The following MYO3A variants were observed in gnomAD, a reference collection of about 807,000 sequenced individuals.
MYO3A encodes myosin IIIA, also known as myosin-IIIa.
In MYO3A, 180 loss-of-function variants were observed where a neutral mutation model predicts 192.7. That is an observed-to-expected ratio of 0.93 (90% confidence interval 0.83 to 1.06). The LOEUF (loss-of-function observed/expected upper bound fraction) is 1.06, where lower values mean the gene tolerates loss of function less well. Ranked by LOEUF, MYO3A falls within the 50% of genes least tolerant of loss-of-function variation. The pLI, the probability that MYO3A is intolerant of heterozygous loss-of-function variation, is 0.00. For synonymous variants in MYO3A, 628 were observed against 645.3 expected (o/e 0.97, Z 0.41); for missense variants, 1,896 against 1,905.0 (o/e 1.00, Z 0.09).
chr10:26,086,994 A>T (rs1836372707), intron 14 of MYO3A, among the ~76,000 whole-genome samples: 1 of 151,706 alleles, frequency 6.6e-6, no homozygotes, highest in African/African-American at 2.4e-5. Context: ...GTATATATAT[A>T]TTTTCAGATT....
chr10:25,946,735 C>T (rs754198572), intron 2 of MYO3A, among the ~76,000 whole-genome samples: 64 of 151,526 alleles, frequency 4.2e-4, no homozygotes, highest in Non-Finnish European at 6.8e-4. Context: ...AAAAATTAGC[C>T]GGGCATGGTA....
At chr10:25,991,607 G>C (rs113918020) in intron 4 of MYO3A, among the ~76,000 whole-genome samples, 6,552 of 152,244 alleles carry the variant, frequency 0.043, 179 homozygotes, top group Middle Eastern at 0.068. Context: ...GTCCTGAATG[G>C]TAATGCCTAG....
intron 33 of MYO3A, 55 bp from the exon 34 acceptor site, chr10:26,202,909 T>C: frequency 1.3e-6 from 2 of 1,593,528 alleles, no homozygotes; most frequent in Non-Finnish European, 1.7e-6. Context: ...CCTGTAAGTT[T>C]AAGTGAGTAG....
intron 31 of MYO3A, among the ~76,000 whole-genome samples, chr10:26,192,469 C>T (rs1161246478): frequency 6.6e-6 from 1 of 152,048 alleles, no homozygotes; most frequent in African/African-American, 2.4e-5. Flanking sequence ...GAGGCTGGTA[C>T]AAGGGGGAGG....
At chr10:26,094,164 T>C (rs1836865669) in intron 15 of MYO3A, among the ~76,000 whole-genome samples, 1 of 152,224 alleles carries the variant, frequency 6.6e-6, no homozygotes, top group Non-Finnish European at 1.5e-5. Flanking sequence ...TTAGCGTGTC[T>C]GTCACAAGTA....
In MYO3A at chr10:25,994,913, C is replaced by G. The variant is rs1190935908; in HGVS notation, c.304-1577C>G. ...CTGATGGGCTTCCCTTTGTGGGTAA[C>G]CCGATCTTTCTCTCTGGCTGCCCTT... On this transcript the variant is annotated intron_variant, in intron 4 of 34. Coordinates refer to ENST00000642920, the MANE Select transcript of MYO3A (RefSeq NM_017433.5). Among the ~76,000 whole-genome samples, 5 of 152,138 alleles carry G rather than the reference C, an allele frequency of 3.3e-5. No individual in the cohort carries two copies. In the East Asian group the frequency reaches 7.7e-4, roughly 23 times the overall value.
rs1840513520 is a variant in MYO3A at position 25,997,260 on chromosome 10, T to C, written c.508+2T>C. 1.2e-6 allele frequency: 2 copies of C among 1,601,252 alleles called. No individual in the cohort carries two copies. The highest frequency in any genetic ancestry group is 1.1e-5 in the South Asian group (1 of 90,846). ...GTGGAGTGAAACTAGTAGATTTTGG[T>C]AAGTTTTGTTTAAAATGCATGAGTT... On this transcript the variant is annotated splice_donor_variant, in intron 6 of 34. Coordinates refer to ENST00000642920, the MANE Select transcript of MYO3A (RefSeq NM_017433.5). LOFTEE classifies it high-confidence loss of function.
chr10:26,060,935 TTA>T (rs1176475901), intron 10 of MYO3A, among the ~76,000 whole-genome samples: 1 of 113,242 alleles, frequency 8.8e-6, no homozygotes, highest in African/African-American at 2.8e-5. Flanking sequence ...TTATTTTATT[TTA>T]TTTTTTTTTG....
At chr10:26,003,014 T>A (rs1034184445) in intron 6 of MYO3A, among the ~76,000 whole-genome samples, 5 of 152,138 alleles carry the variant, frequency 3.3e-5, no homozygotes, top group Admixed American at 3.3e-4. Flanking sequence ...TTGAAAGTAC[T>A]TAATGAATGA....
rs150926547 is a variant in MYO3A, at chr10:26,081,531, G to T, written c.1360-6672G>T. Among the ~76,000 whole-genome samples the T allele has an allele frequency of 4.1e-3, 630 of 152,274 alleles. 3 individuals are homozygous for T. Among genetic ancestry groups the T allele is most frequent in the African/African-American group, 0.014 (601 of 41,568 alleles). ...AAAAGTGCTTGGCTCTTCCCTGCCTGTGGGGTCTGCACACCAGATTGGCAC... is the reference window on the plus strand; with the variant it reads ...AAAAGTGCTTGGCTCTTCCCTGCCTTTGGGGTCTGCACACCAGATTGGCAC... On this transcript the variant is annotated intron_variant, in intron 14 of 34. Coordinates refer to ENST00000642920, the MANE Select transcript of MYO3A (RefSeq NM_017433.5).
intron 17 of MYO3A, among the ~76,000 whole-genome samples, chr10:26,096,996 T>C (rs1837079718): frequency 6.6e-6 from 1 of 151,626 alleles, no homozygotes; most frequent in African/African-American, 2.4e-5. Flanking sequence ...ATGTTCTTTT[T>C]AGTGCAGTCT....
intron 31 of MYO3A, among the ~76,000 whole-genome samples, chr10:26,186,300 T>G (rs532829530): frequency 6.7e-6 from 1 of 149,284 alleles, no homozygotes; most frequent in African/African-American, 2.5e-5. Context: ...GGAGTCTTGC[T>G]GTGTCACCCA....
chr10:25,998,005 A>G (rs1840560225), intron 6 of MYO3A, among the ~76,000 whole-genome samples: 1 of 152,182 alleles, frequency 6.6e-6, no homozygotes, highest in Admixed American at 6.5e-5. Context: ...TCCCTTTTGC[A>G]CTGTAGGTGG....
At chr10:26,198,325 A>T (rs897735586) in intron 32 of MYO3A, among the ~76,000 whole-genome samples, 17 of 152,220 alleles carry the variant, frequency 1.1e-4, no homozygotes, top group African/African-American at 4.1e-4. Flanking sequence ...GGAGGAGAGC[A>T]TTAGCGGAGT....
chr10:26,153,291 C>A lies in MYO3A; in HGVS notation c.2636-559C>A, dbSNP rs2131904989. Among the ~76,000 whole-genome samples, 3 of 152,276 alleles carry A rather than the reference C, an allele frequency of 2.0e-5. No individual in the cohort carries two copies. The Middle Eastern group carries it at 0.01, about 518-fold the overall frequency. The stretch of plus-strand genomic sequence containing the variant: ...AAGGCAACACAGTTTAAGTACTATA[C>A]CTGGGATTCAAAGCCAAGTCTTTCT... On this transcript the variant is annotated intron_variant, in intron 23 of 34. Coordinates refer to ENST00000642920, the MANE Select transcript of MYO3A (RefSeq NM_017433.5).
intron 20 of MYO3A, among the ~76,000 whole-genome samples, chr10:26,132,909 G>A (rs1023320896): frequency 1.3e-5 from 2 of 152,174 alleles, no homozygotes; most frequent in Non-Finnish European, 2.9e-5. Context: ...AAAGTTTACA[G>A]TGTTTGAGAT....
At position 26,104,347 on chromosome 10, in the gene MYO3A, C is replaced by T. The variant is rs561627845; in HGVS notation, c.1776+7665C>T. Among the ~76,000 whole-genome samples the T allele has an allele frequency of 2.9e-4, 44 of 152,200 alleles. No homozygotes were observed. The South Asian group carries it at 8.9e-3, about 31-fold the overall frequency. ...AGCTCTTACATTTAGGTCATTGTTC[C>T]ATTTTGAGTTAATTTTTGTGCATAT... On this transcript the variant is annotated intron_variant, in intron 17 of 34. Transcript: ENST00000642920.
rs183640926 is a variant in MYO3A, at chr10:26,096,753, T to C, written c.1776+71T>C. 18 of 1,073,032 alleles carry C rather than the reference T, an allele frequency of 1.7e-5. No homozygotes were observed. In the East Asian group the frequency reaches 4.0e-4, roughly 24 times the overall value. 66.5% of individuals were successfully genotyped at this position (1,073,032 alleles called of 1,614,324 possible). ...TCATCACTAATGTTAAGAGCATTTATTGAGTGATTAATATATACCAGCATA... is the reference window on the plus strand; with the variant it reads ...TCATCACTAATGTTAAGAGCATTTACTGAGTGATTAATATATACCAGCATA... On this transcript the variant is annotated intron_variant, in intron 17 of 34. Coordinates refer to ENST00000642920, the MANE Select transcript of MYO3A (RefSeq NM_017433.5).
At chr10:25,969,968 A>T (rs1044979180) in intron 4 of MYO3A, among the ~76,000 whole-genome samples, 1 of 152,128 alleles carries the variant, frequency 6.6e-6, no homozygotes, top group Non-Finnish European at 1.5e-5. Flanking sequence ...GACAGATGAC[A>T]TTTCATAATG....
Sources: gnomAD v4.1 joint callset for allele counts (sites outside exome capture counted in the v4.1 genomes callset) on GRCh38, gnomAD v4.1.1 for gene constraint, MANE v1.5 for transcripts, NCBI Gene and HGNC (gene_info 2026-07-23, HGNC 2026-07-21) for gene names.